The following CTNNA3 variants were observed in gnomAD, a reference collection of about 807,000 sequenced individuals.
CTNNA3 encodes catenin alpha 3.
Under a neutral mutation model 95.7 loss-of-function variants are expected in CTNNA3, and 76 were observed. That is an observed-to-expected ratio of 0.79 (90% confidence interval 0.66 to 0.96). The LOEUF (loss-of-function observed/expected upper bound fraction) is 0.96. CTNNA3 is among the 40% of genes least tolerant of loss of function. The pLI, the probability that CTNNA3 is intolerant of heterozygous loss-of-function variation, is 0.00. For missense variants in CTNNA3, 1,191 were observed against 1,089.8 expected (o/e 1.09, Z -1.31); for synonymous variants, 431 against 374.4 (o/e 1.15, Z -1.74).
intron 5 of CTNNA3, among the ~76,000 whole-genome samples, chr10:67,399,691 A>G (rs1035583428): frequency 6.6e-6 from 1 of 152,158 alleles, no homozygotes; most frequent in Non-Finnish European, 1.5e-5. Flanking sequence ...GATCCTGTCA[A>G]CTGTTGGAGA....
chr10:66,436,971 T>A (rs566110524), intron 11 of CTNNA3, among the ~76,000 whole-genome samples: 90 of 152,250 alleles, frequency 5.9e-4, no homozygotes, highest in African/African-American at 2.1e-3. Context: ...GGATAAAAAA[T>A]TTTGGGTTGA....
At chr10:67,211,724 C>G (rs1864147794) in intron 6 of CTNNA3, among the ~76,000 whole-genome samples, 1 of 152,132 alleles carries the variant, frequency 6.6e-6, no homozygotes, top group African/African-American at 2.4e-5. Context: ...TGTATTCCAA[C>G]AGTCTCCATC....
chr10:66,327,635 T>C (rs550740924), intron 12 of CTNNA3, among the ~76,000 whole-genome samples: 72 of 152,098 alleles, frequency 4.7e-4, no homozygotes, highest in Non-Finnish European at 9.1e-4. Flanking sequence ...TTATCTCTAA[T>C]CTTATTCTCT....
At chr10:67,725,276 A>C (rs1489782359) in intron 1 of CTNNA3, among the ~76,000 whole-genome samples, 1 of 151,512 alleles carries the variant, frequency 6.6e-6, no homozygotes, top group Non-Finnish European at 1.5e-5. Context: ...TCCCAGGGTC[A>C]GGCCATTCTC....
chr10:67,445,436 C>T (rs1399992160), intron 5 of CTNNA3, among the ~76,000 whole-genome samples: 1 of 151,140 alleles, frequency 6.6e-6, no homozygotes, highest in Non-Finnish European at 1.5e-5. Flanking sequence ...ATAAGAAACA[C>T]AAGAAAAGAA....
At chr10:66,691,462 C>T (rs187292863) in intron 9 of CTNNA3, among the ~76,000 whole-genome samples, 143 of 152,282 alleles carry the variant, frequency 9.4e-4, no homozygotes, top group Non-Finnish European at 1.4e-3. Flanking sequence ...CCGGGAAGCT[C>T]GAACTAGGTG....
intron 6 of CTNNA3, among the ~76,000 whole-genome samples, chr10:67,219,161 A>G (rs899770511): frequency 5.9e-5 from 9 of 152,214 alleles, no homozygotes; most frequent in African/African-American, 1.7e-4. Context: ...TCAGTGTAAC[A>G]TCTATACAAT....
At chr10:67,512,714 C>T (rs1564705483) in intron 5 of CTNNA3, among the ~76,000 whole-genome samples, 1 of 150,762 alleles carries the variant, frequency 6.6e-6, no homozygotes, top group Non-Finnish European at 1.5e-5. Flanking sequence ...GGGCCAGGAG[C>T]GGTGGCTCAC....
At chr10:67,624,511 TCTC>T (rs1366569996) in intron 2 of CTNNA3, among the ~76,000 whole-genome samples, 3 of 152,188 alleles carry the variant, frequency 2.0e-5, no homozygotes. Flanking sequence ...AGGTAATCAT[TCTC>T]CTACTATTCC....
chr10:66,899,705 G>A (rs762113217), intron 7 of CTNNA3, among the ~76,000 whole-genome samples: 115 of 152,258 alleles, frequency 7.6e-4, no homozygotes, highest in Non-Finnish European at 7.9e-4. Context: ...TCCCTCCCAT[G>A]TCTGGCTCAG....
chr10:66,388,358 A>G (rs1003487251), intron 11 of CTNNA3, among the ~76,000 whole-genome samples: 1 of 152,164 alleles, frequency 6.6e-6, no homozygotes, highest in Non-Finnish European at 1.5e-5. Context: ...AGCTTGTACA[A>G]ACTATTTTTT....
At chr10:67,038,706 C>T (rs1167860588) in intron 7 of CTNNA3, among the ~76,000 whole-genome samples, 2 of 152,020 alleles carry the variant, frequency 1.3e-5, no homozygotes, top group African/African-American at 4.8e-5. Flanking sequence ...AAACAATTAA[C>T]AGGGTTAACA....
intron 1 of CTNNA3, among the ~76,000 whole-genome samples, chr10:67,683,301 A>C (rs188913773): frequency 6.6e-6 from 1 of 152,196 alleles, no homozygotes; most frequent in Non-Finnish European, 1.5e-5. Flanking sequence ...CTTCACCCCC[A>C]TCCACAAAAA....
rs2076980243 is a variant in CTNNA3 at position 65,914,237 on chromosome 10, C to T, written c.*6093G>A. The T allele has an allele frequency of 6.6e-6, 1 of 152,044 alleles. No individual in the cohort carries two copies. The highest frequency in any genetic ancestry group is 2.4e-5 in the African/African-American group (1 of 41,392). 9.4% of individuals were successfully genotyped at this position (152,044 alleles called of 1,614,324 possible). A position where few individuals can be genotyped will look rare whatever the true frequency, so the allele number is the denominator to read the frequency against. On this transcript the variant is annotated 3_prime_UTR_variant, in exon 18 of 18. Coordinates refer to ENST00000433211, the MANE Select transcript of CTNNA3 (RefSeq NM_013266.4). The stretch of plus-strand genomic sequence containing the variant: ...TTTTCTCCTTGAGGGCTTTCCTTTC[C>T]TACAGTTGGGAATAGGCACCATCAT...
chr10:66,874,915 G>A (rs920579464), intron 7 of CTNNA3, among the ~76,000 whole-genome samples: 1 of 152,274 alleles, frequency 6.6e-6, no homozygotes, highest in Admixed American at 6.5e-5. Context: ...TCCTACTTCT[G>A]CCTCCATTTG....
chr10:67,540,436 A>G (rs1840645095), intron 3 of CTNNA3, among the ~76,000 whole-genome samples: 1 of 151,962 alleles, frequency 6.6e-6, no homozygotes, highest in African/African-American at 2.4e-5. Context: ...CATTACTTTT[A>G]AATAATTTAC....
At chr10:67,403,194 C>A (rs1285269384) in intron 5 of CTNNA3, among the ~76,000 whole-genome samples, 1 of 152,222 alleles carries the variant, frequency 6.6e-6, no homozygotes, top group Non-Finnish European at 1.5e-5. Flanking sequence ...TGTGGCCAGA[C>A]TACTTCTTTA....
At chr10:67,403,644 T>C (rs78368562) in intron 5 of CTNNA3, among the ~76,000 whole-genome samples, 6,274 of 152,190 alleles carry the variant, frequency 0.041, 189 homozygotes, top group South Asian at 0.11. Context: ...CTGTGGGCCT[T>C]GGAAAGTGCA....
intron 7 of CTNNA3, among the ~76,000 whole-genome samples, chr10:66,791,724 T>C (rs1201689165): frequency 6.6e-6 from 1 of 152,194 alleles, no homozygotes; most frequent in Non-Finnish European, 1.5e-5. Context: ...CATAATTAAG[T>C]ACTGAATCAG....
Sources: gnomAD v4.1 joint callset for allele counts (sites outside exome capture counted in the v4.1 genomes callset) on GRCh38, gnomAD v4.1.1 for gene constraint, MANE v1.5 for transcripts, NCBI Gene and HGNC (gene_info 2026-07-23, HGNC 2026-07-21) for gene names.